The following LIG1 variants were observed in gnomAD, a reference collection of about 807,000 sequenced individuals.
LIG1 encodes the protein ligase I, DNA, ATP-dependent.
Under a neutral mutation model 115.7 loss-of-function variants are expected in LIG1, and 70 were observed. That is an observed-to-expected ratio of 0.60 (90% confidence interval 0.50 to 0.74). LIG1 has a LOEUF of 0.74. Among genes scored for constraint, LIG1 ranks in the 30% least tolerant of loss-of-function variants. LIG1 has a pLI of 0.00. For synonymous variants in LIG1, 487 were observed against 495.3 expected, an observed-to-expected ratio of 0.98 and a Z score of 0.22; for missense variants, 1,115 against 1,225.6, an observed-to-expected ratio of 0.91 and a Z score of 1.35.
In LIG1 at chr19:48,140,072, GGGA is replaced by G. The variant is rs1444193067; in HGVS notation, c.983_985del (p.Leu328del). ...GTGGTTGAGGCTGAGGTAGAGGACA[GGGA>G]GGAGGTCTGGAGGCGACAGGGCCAC... On this transcript the variant is annotated inframe_deletion, in exon 12 of 28. Coordinates refer to ENST00000263274, the MANE Select transcript of LIG1 (RefSeq NM_000234.3). 4.3e-6 allele frequency: 7 copies of G among 1,613,924 alleles called. No individual in the cohort carries two copies. The highest frequency in any genetic ancestry group is 5.1e-6 in the Non-Finnish European group (6 of 1,180,050).
chr19:48,133,929 CAGG>C lies in LIG1; in HGVS notation c.1609+49_1609+51del, dbSNP rs902972865. On this transcript the variant is annotated intron_variant, in intron 17 of 27. Coordinates refer to ENST00000263274, the MANE Select transcript of LIG1 (RefSeq NM_000234.3). ...TACGATGGCCACCCTCACGCCGACT[CAGG>C]AGGGAGCAGGGCTGCTGCCAGGCTG... 4.0e-5 allele frequency: 59 copies of C among 1,480,658 alleles called. No homozygotes were observed. The African/African-American group carries it at 7.3e-4, about 18-fold the overall frequency. 91.7% of individuals were successfully genotyped at this position (1,480,658 alleles called of 1,614,324 possible). A position where few individuals can be genotyped will look rare whatever the true frequency, so the allele number is the denominator to read the frequency against.
rs754384074 is a variant in LIG1, at chr19:48,162,276, C to T, written c.93G>A (p.Thr31=). Residue 31 remains threonine, a synonymous_variant, in exon 3 of 28, where the codon ACG becomes ACA. Transcript: ENST00000263274. ...EKEASNSSRE[T]EPPPKAALKE... is the part of the protein sequence containing the mutation. ...CTGTGACATACTTTGGAGGGGGCTC[C>T]GTCTCTCTGCTGCTATTGGATGCCT... The T allele has an allele frequency of 9.9e-6, 16 of 1,613,586 alleles. No homozygotes were observed. The highest frequency in any genetic ancestry group is 2.2e-5 in the South Asian group (2 of 91,072).
At chr19:48,126,170 G>A (rs552316269) in intron 21 of LIG1, among the ~76,000 whole-genome samples, 26 of 152,234 alleles carry the variant, frequency 1.7e-4, no homozygotes, top group Admixed American at 5.9e-4. Flanking sequence ...GACACACAGA[G>A]AGGCTGAGTC....
At chr19:48,155,743 A>T (rs778389917) in intron 5 of LIG1, among the ~76,000 whole-genome samples, 1 of 151,392 alleles carries the variant, frequency 6.6e-6, no homozygotes, top group African/African-American at 2.4e-5. Context: ...TTCAAAATCC[A>T]ATGAACTCAC....
intron 25 of LIG1, chr19:48,118,506 T>C (rs1489877102): frequency 2.0e-5 from 3 of 152,382 alleles, no homozygotes; most frequent in African/African-American, 7.4e-5. Context: ...GAACTGTGAG[T>C]CCAGGAAACC....
intron 8 of LIG1, 68 bp from the exon 9 acceptor site, chr19:48,149,909 G>A: frequency 6.5e-7 from 1 of 1,548,772 alleles, no homozygotes. Context: ...CATCCATTCT[G>A]CACCCAGCAC....
intron 6 of LIG1, among the ~76,000 whole-genome samples, chr19:48,152,923 G>A (rs3730897): frequency 0.028 from 4,288 of 152,226 alleles, 142 homozygotes; most frequent in African/African-American, 0.063. Flanking sequence ...CAGGCTGGGC[G>A]CAGTGGCTCA....
At chr19:48,147,754 A>G (rs889134166) in intron 9 of LIG1, among the ~76,000 whole-genome samples, 3 of 152,192 alleles carry the variant, frequency 2.0e-5, no homozygotes, top group African/African-American at 7.2e-5. Context: ...CCTAAAATCC[A>G]GTAGCTAACA....
chr19:48,138,067 G>A (rs1256917453), intron 12 of LIG1, among the ~76,000 whole-genome samples: 3 of 152,108 alleles, frequency 2.0e-5, no homozygotes, highest in Middle Eastern at 3.2e-3. Flanking sequence ...TTCCTCTGGC[G>A]GGTCATGAAC....
At chr19:48,119,712 A>T (rs960168860) in intron 24 of LIG1, among the ~76,000 whole-genome samples, 14 of 151,674 alleles carry the variant, frequency 9.2e-5, no homozygotes, top group Admixed American at 2.6e-4. Context: ...CTAATTTTTT[A>T]AAAAAGTTTT....
chr19:48,151,403 C>T (rs2035466290), intron 6 of LIG1, 64 bp from the exon 7 acceptor site: 5 of 986,772 alleles, frequency 5.1e-6, no homozygotes, highest in African/African-American at 1.6e-5. Context: ...GGCATTTTGA[C>T]TCTGGAGACA....
intron 14 of LIG1, among the ~76,000 whole-genome samples, chr19:48,136,485 G>C (rs1334112782): frequency 6.6e-6 from 1 of 152,162 alleles, no homozygotes; most frequent in African/African-American, 2.4e-5. Context: ...CCCCAGCATG[G>C]TCCTTGCTTT....
intron 3 of LIG1, 92 bp from the exon 4 acceptor site, chr19:48,161,599 C>T (rs1381926430): frequency 2.1e-6 from 3 of 1,422,036 alleles, no homozygotes; most frequent in Non-Finnish European, 3.0e-6. Flanking sequence ...TTTGCTGTTT[C>T]CTTCCCTTCC....
intron 21 of LIG1, among the ~76,000 whole-genome samples, chr19:48,124,644 T>C (rs1187386650): frequency 6.6e-6 from 1 of 152,216 alleles, no homozygotes; most frequent in Non-Finnish European, 1.5e-5. Flanking sequence ...AAGGATAATA[T>C]CTTAGACATT....
intron 21 of LIG1, 174 bp from the exon 22 acceptor site, chr19:48,123,492 G>A: frequency 2.7e-6 from 2 of 730,958 alleles, no homozygotes; most frequent in East Asian, 2.7e-5. Flanking sequence ...CTTAAAGCAT[G>A]GGGCTAGTCA....
At chr19:48,138,606 G>C (rs950432237) in intron 12 of LIG1, among the ~76,000 whole-genome samples, 2 of 152,196 alleles carry the variant, frequency 1.3e-5, no homozygotes, top group Admixed American at 1.3e-4. Context: ...ACAAACCCGG[G>C]ACTTGGACAG....
In LIG1 at chr19:48,122,953, C is replaced by G; in HGVS notation, c.2213G>C (p.Arg738Thr). The G allele has an allele frequency of 6.2e-7, 1 of 1,613,532 alleles. No individual in the cohort carries two copies. Among genetic ancestry groups the G allele is most frequent in the Non-Finnish European group, 8.5e-7 (1 of 1,179,930 alleles). The change falls in exon 23 of 28, where the codon AGA (arginine) becomes ACA (threonine). Residue 738 changes from arginine to threonine, a missense_variant. By Grantham distance (71) the Arg-to-Thr change is moderately conservative. Transcript: ENST00000263274. The surrounding 1 kb of genome is among the most constrained non-coding windows in gnomAD (Gnocchi z 4.3). ...AATCACCTTGAGCCAGTTGTGCGAT[C>G]TCTTGGCGATCTCGTAGGTGGCATC... ...DVDATYEIAK[R>T]SHNWLKLKKD...
At chr19:48,154,144 C>A in intron 5 of LIG1, 177 bp from the exon 6 acceptor site, 1 of 663,434 alleles carries the variant, frequency 1.5e-6, no homozygotes, top group East Asian at 2.9e-5. Flanking sequence ...TGCTTCCTGG[C>A]TGTGTGACCT....
At chr19:48,120,366 A>G in intron 24 of LIG1, 8 of 985,360 alleles carry the variant, frequency 8.1e-6, no homozygotes, top group Non-Finnish European at 9.6e-6. Context: ...AAAATTACTC[A>G]TAGAGAAGGA....
Sources: allele counts gnomAD v4.1 joint callset (sites outside exome capture counted in the v4.1 genomes callset), GRCh38; gene constraint gnomAD v4.1.1; non-coding constraint Gnocchi (gnomAD v3.1); transcripts MANE v1.5; gene names NCBI Gene and HGNC (gene_info 2026-07-23, HGNC 2026-07-21).